KCNAB1: variants seen among roughly 807,000 people sequenced by gnomAD.
The protein encoded by KCNAB1 is voltage-gated potassium channel subunit beta-1.
A neutral mutation model predicts 64.6 loss-of-function variants in KCNAB1; 35 were observed. The ratio of observed to expected loss-of-function variants is 0.54; its 90% confidence interval spans 0.41 to 0.72. The LOEUF is 0.72. KCNAB1 is among the 30% of genes least tolerant of loss of function. The pLI, the probability that KCNAB1 is intolerant of heterozygous loss-of-function variation, is 0.00. For synonymous variants in KCNAB1, 177 were observed against 183.8 expected (o/e 0.96, Z 0.30); for missense variants, 401 against 512.9 (o/e 0.78, Z 2.11).
intron 1 of KCNAB1, among the ~76,000 whole-genome samples, chr3:156,342,589 T>TC (rs1215979915): frequency 3.2e-5 from 4 of 126,248 alleles, no homozygotes; most frequent in African/African-American, 8.2e-5. Flanking sequence ...GTGTTTCTTT[T>TC]TTTTTTTTTT....
At chr3:156,292,788 C>T (rs190998208) in intron 1 of KCNAB1, among the ~76,000 whole-genome samples, 132 of 152,312 alleles carry the variant, frequency 8.7e-4, no homozygotes, top group African/African-American at 3.0e-3. Context: ...AGTGATCCGC[C>T]GGCCTTGGCC....
At chr3:156,418,688 G>A (rs147792703) in intron 1 of KCNAB1, among the ~76,000 whole-genome samples, 17 of 152,276 alleles carry the variant, frequency 1.1e-4, no homozygotes, top group Admixed American at 3.3e-4. Context: ...AGTGGTACAC[G>A]TCTCACAAAG....
intron 12 of KCNAB1, among the ~76,000 whole-genome samples, chr3:156,527,767 C>T (rs188901582): frequency 1.3e-5 from 2 of 152,260 alleles, no homozygotes; most frequent in East Asian, 3.9e-4. Context: ...AAATTATTTC[C>T]AGGCACGTTA....
intron 1 of KCNAB1, among the ~76,000 whole-genome samples, chr3:156,199,599 T>C (rs934150414): frequency 6.6e-6 from 1 of 152,248 alleles, no homozygotes. Flanking sequence ...TTCTTCCACT[T>C]AATCGATTTG....
At chr3:156,489,088 A>C (rs1366464981) in intron 8 of KCNAB1, among the ~76,000 whole-genome samples, 1 of 152,134 alleles carries the variant, frequency 6.6e-6, no homozygotes, top group Non-Finnish European at 1.5e-5. Context: ...TGGCCAAGTG[A>C]AGATGCTGAG....
chr3:156,161,573 T>C (rs1474587592), intron 1 of KCNAB1, among the ~76,000 whole-genome samples: 1 of 152,202 alleles, frequency 6.6e-6, no homozygotes, highest in Non-Finnish European at 1.5e-5. Flanking sequence ...TTCATGCTGA[T>C]TTTGGATCTA....
chr3:156,471,783 C>G (rs948223506), intron 7 of KCNAB1, among the ~76,000 whole-genome samples: 1 of 152,170 alleles, frequency 6.6e-6, no homozygotes, highest in Non-Finnish European at 1.5e-5. Flanking sequence ...TGAAACATAT[C>G]TTAATGTTGA....
chr3:156,431,514 T>A (rs1716208041), intron 2 of KCNAB1, among the ~76,000 whole-genome samples: 1 of 152,144 alleles, frequency 6.6e-6, no homozygotes, highest in African/African-American at 2.4e-5. Context: ...TCTCTGAAAG[T>A]GCAGTGTACG....
At chr3:156,237,916 T>TCCC in intron 1 of KCNAB1, among the ~76,000 whole-genome samples, 1 of 152,244 alleles carries the variant, frequency 6.6e-6, no homozygotes, top group African/African-American at 2.4e-5. Flanking sequence ...TTCTGCCCTA[T>TCCC]TCTGTCCTTT....
chr3:156,151,094 G>A (rs964365002), intron 1 of KCNAB1, among the ~76,000 whole-genome samples: 1 of 152,214 alleles, frequency 6.6e-6, no homozygotes, highest in African/African-American at 2.4e-5. Flanking sequence ...TTGTTACACA[G>A]TTAAGATGGA....
At chr3:156,241,155 C>T (rs1245841651) in intron 1 of KCNAB1, among the ~76,000 whole-genome samples, 1 of 152,236 alleles carries the variant, frequency 6.6e-6, no homozygotes, top group Admixed American at 6.5e-5. Context: ...GATGCCAATG[C>T]TGACAGTTGA....
chr3:156,335,857 T>TTC (rs1308902503), intron 1 of KCNAB1, among the ~76,000 whole-genome samples: 8 of 151,382 alleles, frequency 5.3e-5, no homozygotes, highest in African/African-American at 1.9e-4. Context: ...GTTTGGGTTT[T>TTC]TTTTTTTTTT....
intron 2 of KCNAB1, among the ~76,000 whole-genome samples, chr3:156,432,322 G>C (rs2108245016): frequency 6.6e-6 from 1 of 152,228 alleles, no homozygotes; most frequent in South Asian, 2.1e-4. Context: ...TAAATATACA[G>C]CTTTGCCTTC....
At chr3:156,266,482 G>A (rs764537448) in intron 1 of KCNAB1, among the ~76,000 whole-genome samples, 20 of 152,150 alleles carry the variant, frequency 1.3e-4, no homozygotes, top group Non-Finnish European at 2.2e-4. Context: ...ACAGCTGTGT[G>A]ATAGATTGAG....
At chr3:156,122,356 T>C (rs1451146482) in intron 1 of KCNAB1, among the ~76,000 whole-genome samples, 1 of 152,234 alleles carries the variant, frequency 6.6e-6, no homozygotes, top group African/African-American at 2.4e-5. Context: ...TTCCGTAACA[T>C]TTTCCTTGAC....
intron 1 of KCNAB1, among the ~76,000 whole-genome samples, chr3:156,190,421 C>G (rs896336603): frequency 6.6e-6 from 1 of 151,248 alleles, no homozygotes; most frequent in Admixed American, 6.6e-5. Flanking sequence ...TAAGAAGCAT[C>G]AAAAGTAGAA....
At chr3:156,341,556 A>G (rs1186553615) in intron 1 of KCNAB1, among the ~76,000 whole-genome samples, 1 of 152,116 alleles carries the variant, frequency 6.6e-6, no homozygotes, top group African/African-American at 2.4e-5. Flanking sequence ...CTGTGTTAGG[A>G]TGAGATCATG....
intron 8 of KCNAB1, among the ~76,000 whole-genome samples, chr3:156,487,014 T>C (rs2108344103): frequency 6.6e-6 from 1 of 152,242 alleles, no homozygotes; most frequent in South Asian, 2.1e-4. Context: ...AGCTGAAGGA[T>C]TACATTATCA....
chr3:156,504,743 TTTTTTTTG>T (rs1716704059), intron 8 of KCNAB1, among the ~76,000 whole-genome samples: 1 of 68,720 alleles, frequency 1.5e-5, no homozygotes, highest in African/African-American at 5.8e-5. Flanking sequence ...TTTGTTTTTG[TTTTTTTTG>T]TTTTTTTTTT....
Sources: gnomAD v4.1 joint callset for allele counts (sites outside exome capture counted in the v4.1 genomes callset) on GRCh38, gnomAD v4.1.1 for gene constraint, MANE v1.5 for transcripts, NCBI Gene and HGNC (gene_info 2026-07-23, HGNC 2026-07-21) for gene names.